The following UBE3D variants were observed in gnomAD, a reference collection of about 807,000 sequenced individuals.
UBE3D encodes the protein E3 ubiquitin-protein ligase E3D.
A neutral mutation model predicts 49.6 loss-of-function variants in UBE3D; 48 were observed. The ratio of observed to expected loss-of-function variants is 0.97; its 90% CI spans 0.77 to 1.23. The LOEUF is 1.23. UBE3D is among the 50% of genes most tolerant of loss of function. UBE3D has a pLI of 0.00. For synonymous variants in UBE3D, 189 were observed against 174.2 expected (o/e 1.08, Z -0.67); for missense variants, 452 against 468.4 (o/e 0.96, Z 0.32).
At chr6:82,926,743 T>C (rs1229765419) in intron 9 of UBE3D, among the ~76,000 whole-genome samples, 1 of 152,180 alleles carries the variant, frequency 6.6e-6, no homozygotes. Context: ...TTTAGTGACA[T>C]GCTTCTTAAG....
chr6:82,970,531 A>G (rs1202190616), intron 8 of UBE3D, among the ~76,000 whole-genome samples: 2 of 152,188 alleles, frequency 1.3e-5, no homozygotes, highest in Non-Finnish European at 2.9e-5. Context: ...GGCCTCAATG[A>G]CAATATAGTT....
chr6:83,023,203 T>A lies in UBE3D; in HGVS notation c.738-642A>T, dbSNP rs542753808. 2.0e-5 allele frequency among the ~76,000 whole-genome samples: 3 copies of A among 152,348 alleles called. 1 individual carries two copies. In the South Asian group the frequency reaches 6.2e-4, roughly 32 times the overall value. On this transcript the variant is annotated intron_variant, in intron 6 of 9. Coordinates refer to ENST00000369747, the MANE Select transcript of UBE3D (RefSeq NM_198920.3). ...ATAGGAGTCATTTGAAACTGACCCATGTTTCAAATTTTAAATAATTCAAAT... is the reference window on the plus strand; with the variant it reads ...ATAGGAGTCATTTGAAACTGACCCAAGTTTCAAATTTTAAATAATTCAAAT...
At chr6:83,059,026 A>T (rs1460052061) in intron 1 of UBE3D, among the ~76,000 whole-genome samples, 3 of 152,234 alleles carry the variant, frequency 2.0e-5, no homozygotes, top group Admixed American at 2.0e-4. Context: ...TTTATGAGCC[A>T]TGTATGGTCT....
chr6:83,028,039 G>A (rs926976739), intron 5 of UBE3D, among the ~76,000 whole-genome samples: 9 of 152,098 alleles, frequency 5.9e-5, no homozygotes, highest in African/African-American at 2.2e-4. Context: ...CTAATCTGGT[G>A]TTAAACCACT....
chr6:82,957,490 T>C, intron 8 of UBE3D, 40 bp from the exon 9 acceptor site: 5 of 1,563,604 alleles, frequency 3.2e-6, no homozygotes, highest in Non-Finnish European at 3.5e-6. Flanking sequence ...AAATGCATTA[T>C]CATAATTATT....
At chr6:82,901,944 T>C (rs1771766614) in intron 9 of UBE3D, among the ~76,000 whole-genome samples, 1 of 152,152 alleles carries the variant, frequency 6.6e-6, no homozygotes, top group African/African-American at 2.4e-5. Flanking sequence ...CTGTTAAAAG[T>C]TAAGTGAATG....
chr6:83,003,474 G>A (rs72901687), intron 8 of UBE3D, among the ~76,000 whole-genome samples: 2,523 of 152,074 alleles, frequency 0.017, 31 homozygotes, highest in Non-Finnish European at 0.024. Flanking sequence ...GATAGTATAC[G>A]AATTTCAAAT....
chr6:82,989,425 C>T (rs1013595154), intron 8 of UBE3D, among the ~76,000 whole-genome samples: 1 of 151,952 alleles, frequency 6.6e-6, no homozygotes, highest in African/African-American at 2.4e-5. Context: ...TTAGCTACTA[C>T]TTTTATGCAA....
At chr6:82,922,300 T>G (rs1316030351) in intron 9 of UBE3D, among the ~76,000 whole-genome samples, 2 of 152,192 alleles carry the variant, frequency 1.3e-5, no homozygotes, top group African/African-American at 4.8e-5. Context: ...CATGCCCAGA[T>G]AGTTTTACAA....
intron 8 of UBE3D, among the ~76,000 whole-genome samples, chr6:83,014,399 C>T (rs1452291158): frequency 2.0e-5 from 3 of 152,188 alleles, no homozygotes; most frequent in Non-Finnish European, 2.9e-5. Flanking sequence ...CCTTGCCCTA[C>T]AGTCAGGGAG....
chr6:82,958,705 C>A (rs897068368), intron 8 of UBE3D, among the ~76,000 whole-genome samples: 1 of 152,184 alleles, frequency 6.6e-6, no homozygotes. Context: ...TCACCTCCAA[C>A]CCCCTTTTAG....
At chr6:83,047,942 A>AC (rs1783182800) in intron 3 of UBE3D, among the ~76,000 whole-genome samples, 1 of 151,794 alleles carries the variant, frequency 6.6e-6, no homozygotes, top group South Asian at 2.1e-4. Context: ...ATTAGCCGGG[A>AC]GTGCTGGCGG....
intron 5 of UBE3D, among the ~76,000 whole-genome samples, chr6:83,034,911 G>A (rs995803177): frequency 6.6e-6 from 1 of 152,104 alleles, no homozygotes; most frequent in African/African-American, 2.4e-5. Flanking sequence ...AGCCAGGTAT[G>A]TTGGCTCATG....
chr6:83,058,696 G>A (rs1783973430), intron 1 of UBE3D, among the ~76,000 whole-genome samples: 1 of 152,232 alleles, frequency 6.6e-6, no homozygotes, highest in Non-Finnish European at 1.5e-5. Context: ...ACTAAGTGCA[G>A]ACAGCAAGCC....
chr6:82,911,736 AG>A (rs1367891946), intron 9 of UBE3D, among the ~76,000 whole-genome samples: 6 of 152,250 alleles, frequency 3.9e-5, no homozygotes, highest in South Asian at 2.1e-4. Context: ...AATGAAGGTG[AG>A]GGGGTAGAAA....
intron 9 of UBE3D, among the ~76,000 whole-genome samples, chr6:82,921,757 G>A (rs969579828): frequency 2.6e-5 from 4 of 152,068 alleles, no homozygotes; most frequent in African/African-American, 9.7e-5. Context: ...TTTTCATCCA[G>A]GCCTTGAAGA....
chr6:83,056,404 C>T (rs1186805911), intron 2 of UBE3D, among the ~76,000 whole-genome samples: 2 of 152,204 alleles, frequency 1.3e-5, no homozygotes, highest in Non-Finnish European at 2.9e-5. Flanking sequence ...GACAACACAA[C>T]ATCCAGCCTC....
intron 8 of UBE3D, among the ~76,000 whole-genome samples, chr6:82,970,253 A>T (rs950217530): frequency 1.3e-5 from 2 of 151,528 alleles, no homozygotes; most frequent in African/African-American, 4.8e-5. Context: ...TCAAAAATAA[A>T]TTCAAGATGT....
intron 8 of UBE3D, among the ~76,000 whole-genome samples, chr6:82,984,061 T>C (rs1246822044): frequency 6.6e-6 from 1 of 152,204 alleles, no homozygotes; most frequent in Non-Finnish European, 1.5e-5. Flanking sequence ...CTTGTATCCT[T>C]GTTCTGTTCA....
Sources: allele counts gnomAD v4.1 joint callset (sites outside exome capture counted in the v4.1 genomes callset), GRCh38; gene constraint gnomAD v4.1.1; transcripts MANE v1.5; gene names NCBI Gene and HGNC (gene_info 2026-07-23, HGNC 2026-07-21).